PCDH11X: variants seen among roughly 807,000 people sequenced by gnomAD.
PCDH11X encodes the protein protocadherin 11 X-linked.
PCDH11X carries 18 observed loss-of-function variants against 53.3 expected under a neutral mutation model. The ratio of observed to expected loss-of-function variants is 0.34; its 90% confidence interval spans 0.23 to 0.50. The LOEUF is 0.50. PCDH11X is among the 20% of genes least tolerant of loss of function. The pLI, the probability that PCDH11X is intolerant of heterozygous loss-of-function variation, is 0.98. For synonymous variants in PCDH11X, 279 were observed against 393.3 expected, an observed-to-expected ratio of 0.71 and a Z score of 3.44; for missense variants, 570 against 1,032.4, an observed-to-expected ratio of 0.55 and a Z score of 6.14.
At chrX:91,998,473 C>A (rs1298243675) in intron 6 of PCDH11X, among the ~76,000 whole-genome samples, 59 of 91,031 alleles carry the variant, frequency 6.5e-4, no homozygotes, top group Non-Finnish European at 1.0e-3. Flanking sequence ...TAAAATTCAA[C>A]ATATTTTATC....
At chrX:92,616,373 C>T (rs1272447312) in intron 10 of PCDH11X, among the ~76,000 whole-genome samples, 3 of 74,558 alleles carry the variant, frequency 4.0e-5, no homozygotes, top group Admixed American at 1.7e-4. Context: ...TTACATTTTA[C>T]ATTTAGACTT....
At chrX:91,891,942 A>G (rs1378367191) in intron 6 of PCDH11X, among the ~76,000 whole-genome samples, 2 of 96,793 alleles carry the variant, frequency 2.1e-5, no homozygotes, top group Non-Finnish European at 4.1e-5. Flanking sequence ...TAAAAAAAAA[A>G]AGAAAAAGAA....
At chrX:92,454,935 C>A (rs915747685) in intron 9 of PCDH11X, among the ~76,000 whole-genome samples, 1 of 108,379 alleles carries the variant, frequency 9.2e-6, no homozygotes, top group African/African-American at 3.4e-5. Flanking sequence ...TAATCTTGCA[C>A]AAAAATTTTG....
intron 6 of PCDH11X, among the ~76,000 whole-genome samples, chrX:92,197,835 G>A (rs1051755733): frequency 2.3e-4 from 26 of 111,727 alleles, no homozygotes; most frequent in Non-Finnish European, 4.5e-4. Context: ...GACTTCCATG[G>A]TGGGTTTGAT....
chrX:91,882,963 C>T, intron 6 of PCDH11X: 1 of 1,178,487 alleles, frequency 8.5e-7, no homozygotes, highest in South Asian at 1.8e-5. Context: ...TTTCTAGGAA[C>T]AACAAAATTC....
intron 10 of PCDH11X, among the ~76,000 whole-genome samples, chrX:92,535,493 G>A (rs2074641438): frequency 9.0e-6 from 1 of 110,663 alleles, no homozygotes; most frequent in South Asian, 3.9e-4. Flanking sequence ...GACATATAGA[G>A]GGGAAAAACA....
intron 6 of PCDH11X, among the ~76,000 whole-genome samples, chrX:91,963,554 C>T (rs762733235): frequency 2.3e-3 from 258 of 111,601 alleles, no homozygotes; most frequent in African/African-American, 8.2e-3. Context: ...TAGGAAGTTT[C>T]AAACTTTCCC....
chrX:92,581,275 A>C (rs1348623593), intron 10 of PCDH11X, among the ~76,000 whole-genome samples: 1 of 111,625 alleles, frequency 9.0e-6, no homozygotes, highest in Non-Finnish European at 1.9e-5. Context: ...TAACCAAGGT[A>C]GACCATTGAT....
At chrX:91,857,494 C>G (rs1469337366) in intron 5 of PCDH11X, among the ~76,000 whole-genome samples, 3 of 111,702 alleles carry the variant, frequency 2.7e-5, no homozygotes, top group African/African-American at 9.8e-5. Flanking sequence ...AGTCCAAAGT[C>G]TCAGGTGAGA....
At chrX:92,586,948 C>T (rs34169666) in intron 10 of PCDH11X, among the ~76,000 whole-genome samples, 5 of 107,081 alleles carry the variant, frequency 4.7e-5, no homozygotes, top group African/African-American at 1.0e-4. Context: ...TGTTTTGAAA[C>T]GACCAAATGA....
At chrX:92,384,522 A>C (rs1293066658) in intron 8 of PCDH11X, among the ~76,000 whole-genome samples, 1 of 106,387 alleles carries the variant, frequency 9.4e-6, no homozygotes, top group African/African-American at 3.4e-5. Flanking sequence ...GAGTTTTATT[A>C]TTACTCAAAT....
At chrX:92,532,934 G>A (rs1039613954) in intron 10 of PCDH11X, among the ~76,000 whole-genome samples, 4 of 110,617 alleles carry the variant, frequency 3.6e-5, no homozygotes, top group African/African-American at 1.3e-4. Context: ...AAGCCATCAG[G>A]TCTCATGAGA....
chrX:92,203,100 G>A (rs1035426882), intron 7 of PCDH11X, among the ~76,000 whole-genome samples: 9 of 112,052 alleles, frequency 8.0e-5, no homozygotes, highest in African/African-American at 2.9e-4. Context: ...TTATACTGTT[G>A]TTAATAAAGT....
chrX:92,271,178 G>A, intron 8 of PCDH11X, among the ~76,000 whole-genome samples: 1 of 112,185 alleles, frequency 8.9e-6, no homozygotes, highest in East Asian at 2.8e-4. Flanking sequence ...CTGGTGCAGG[G>A]AGGGAACACC....
chrX:92,175,271 C>G (rs187791842), intron 6 of PCDH11X, among the ~76,000 whole-genome samples: 49 of 111,867 alleles, frequency 4.4e-4, no homozygotes, highest in African/African-American at 1.5e-3. Context: ...GCCATCGCAC[C>G]CAGCCGTAAT....
chrX:91,876,720 A>C (rs1299513146), intron 5 of PCDH11X, 61 bp from the exon 6 acceptor site: 17 of 947,777 alleles, frequency 1.8e-5, no homozygotes, highest in South Asian at 4.0e-5. Flanking sequence ...TATTCATATT[A>C]ATATTAATAT....
intron 8 of PCDH11X, among the ~76,000 whole-genome samples, chrX:92,323,656 C>A (rs2574045): frequency 1.8e-5 from 2 of 110,778 alleles, no homozygotes; most frequent in Non-Finnish European, 3.8e-5. Flanking sequence ...ATGTGCCATG[C>A]TGGTGTGCTG....
intron 6 of PCDH11X, among the ~76,000 whole-genome samples, chrX:92,155,919 A>C (rs1191959722): frequency 9.3e-6 from 1 of 108,015 alleles, no homozygotes; most frequent in African/African-American, 3.4e-5. Flanking sequence ...TGAGCCACCG[A>C]GCCCGGCAGT....
intron 10 of PCDH11X, among the ~76,000 whole-genome samples, chrX:92,589,153 A>G (rs754216433): frequency 8.9e-6 from 1 of 112,013 alleles, no homozygotes; most frequent in East Asian, 2.8e-4. Context: ...AACAAACAGA[A>G]GCTGACATAT....
Sources: gnomAD v4.1 joint callset for allele counts (sites outside exome capture counted in the v4.1 genomes callset) on GRCh38, gnomAD v4.1.1 for gene constraint, MANE v1.5 for transcripts, NCBI Gene and HGNC (gene_info 2026-07-23, HGNC 2026-07-21) for gene names.